SLFN11: variants seen among roughly 807,000 people sequenced by gnomAD.
SLFN11 encodes schlafen family member 11.
In SLFN11, 43 loss-of-function variants were observed where a neutral mutation model predicts 53.4. The ratio of observed to expected loss-of-function variants is 0.80; its 90% CI spans 0.63 to 1.04. The LOEUF (loss-of-function observed/expected upper bound fraction) is 1.04, where lower values mean the gene tolerates loss of function less well. Ranked by LOEUF, SLFN11 falls within the 50% of genes least tolerant of loss-of-function variation. The pLI, the probability that SLFN11 is intolerant of heterozygous loss-of-function variation, is 0.00. For synonymous variants in SLFN11, 389 were observed against 394.7 expected (o/e 0.99, Z 0.17); for missense variants, 990 against 1,079.1 (o/e 0.92, Z 1.16).
chr17:35,367,380 T>G (rs538500746), intron 2 of SLFN11: 7 of 152,148 alleles, frequency 4.6e-5, no homozygotes, highest in Admixed American at 1.3e-4. Context: ...GGGAGCTCTA[T>G]CTCAAGCTCT....
chr17:35,358,397 C>T (rs1907789662), intron 5 of SLFN11, among the ~76,000 whole-genome samples: 1 of 151,544 alleles, frequency 6.6e-6, no homozygotes, highest in Admixed American at 6.6e-5. Flanking sequence ...ATTTTAATCC[C>T]TCTAATTTCT....
chr17:35,371,055 C>T (rs1483323102), intron 1 of SLFN11, among the ~76,000 whole-genome samples: 4 of 152,076 alleles, frequency 2.6e-5, no homozygotes, highest in African/African-American at 7.2e-5. Flanking sequence ...AATCACATTA[C>T]CTGACCTCAA....
intron 2 of SLFN11, chr17:35,367,389 C>G (rs553119833): frequency 1.3e-5 from 2 of 152,114 alleles, no homozygotes; most frequent in African/African-American, 2.4e-5. Context: ...ATCTCAAGCT[C>G]TTTCCTTAGG....
chr17:35,358,271 G>C (rs1159635343), intron 5 of SLFN11, among the ~76,000 whole-genome samples: 1 of 151,146 alleles, frequency 6.6e-6, no homozygotes, highest in Non-Finnish European at 1.5e-5. Context: ...AATTTTTATA[G>C]TTTCTTCTTA....
chr17:35,352,618 G>A lies in SLFN11; in HGVS notation c.2444C>T (p.Thr815Ile), dbSNP rs200608504. 3 of 1,614,156 alleles carry A rather than the reference G, an allele frequency of 1.9e-6. No homozygotes were observed. The highest frequency in any genetic ancestry group is 3.3e-5 in the Admixed American group (2 of 60,014). ...CTTATAGTGCTCCACTTCTTTTGCG[G>A]TGCTGACAAGCACAGCAACATCCTT... ...SPKDVAVLVSTAKEVEHYKYE... is the reference protein window; with the variant it reads ...SPKDVAVLVSIAKEVEHYKYE... The change falls in exon 7 of 7, where the codon ACC (threonine) becomes ATC (isoleucine). Residue 815 changes from threonine to isoleucine, a missense_variant. Physicochemically the swap from Thr to Ile is moderately conservative, Grantham distance 89. Around this residue, in one of 3 missense-constraint regions of SLFN11, gnomAD observed 313 missense variants for 320.9 expected, o/e 0.98. Coordinates refer to ENST00000685675, the MANE Select transcript of SLFN11 (RefSeq NM_001376007.1).
Position 35,363,431 on chromosome 17 carries a change from CA to C in SLFN11, c.376del (p.Cys126AlafsTer27), listed in dbSNP as rs1390476553. On this transcript the variant is annotated frameshift_variant, in exon 4 of 7. Transcript: ENST00000685675. LOFTEE classifies it high-confidence loss of function. ...ACGGTATAATGAAGAACTGAGGCTG[CA>C]AAGGCGGGGCTTGACAGAGCGATCT... ...PEDRSVKPRL[C>X]SLSSSLYRRS... 5 of 1,613,762 alleles carry C rather than the reference CA, an allele frequency of 3.1e-6. No individual in the cohort carries two copies. The highest frequency in any genetic ancestry group is 4.2e-6 in the Non-Finnish European group (5 of 1,179,952).
rs768799094 is a variant in SLFN11, at chr17:35,363,521, G to T, written c.287C>A (p.Thr96Asn). The T allele has an allele frequency of 1.9e-6, 3 of 1,613,910 alleles. No individual in the cohort carries two copies. In the East Asian group the frequency reaches 6.7e-5, roughly 36 times the overall value. ...GTAAAAACACCTTCCTTGTTGCTTG[G>T]TCTCAAAGAAAGCCTGCAGATCTGA... ...QSSDLQAFFE[T>N]KQQGRCFYIF... is the part of the protein sequence containing the mutation. The change falls in exon 4 of 7, where the codon ACC (threonine) becomes AAC (asparagine). Residue 96 changes from threonine to asparagine, a missense_variant. Physicochemically the swap from Thr to Asn is moderately conservative, Grantham distance 65 (BLOSUM62 0). Around this residue, in one of 3 missense-constraint regions of SLFN11, gnomAD observed 521 missense variants for 516.2 expected, o/e 1.01. Transcript: ENST00000685675.
rs901183451 is a variant in SLFN11 at position 35,373,529 on chromosome 17, G to C, written c.-290C>G. 2 of 151,886 alleles carry C rather than the reference G, an allele frequency of 1.3e-5. No individual in the cohort carries two copies. Among genetic ancestry groups the C allele is most frequent in the South Asian group, 4.2e-4 (2 of 4,802 alleles). 9.4% of individuals were successfully genotyped at this position (151,886 alleles called of 1,614,324 possible). A position where few individuals can be genotyped will look rare whatever the true frequency, so the allele number is the denominator to read the frequency against. Reference sequence around the variant, plus strand: ...TCGGCTGGGCTAGACCCTGAAGCACGGGTAGAAACGCAACTCCGGAGTCCC... The same window carrying C: ...TCGGCTGGGCTAGACCCTGAAGCACCGGTAGAAACGCAACTCCGGAGTCCC... On this transcript the variant is annotated 5_prime_UTR_variant, in exon 1 of 7. Coordinates refer to ENST00000685675, the MANE Select transcript of SLFN11 (RefSeq NM_001376007.1).
intron 5 of SLFN11, among the ~76,000 whole-genome samples, chr17:35,357,139 C>CGTGTGTGTGTGTGT (rs35291259): frequency 7.0e-6 from 1 of 142,820 alleles, no homozygotes; most frequent in Non-Finnish European, 1.5e-5. Context: ...TTTTTCTGTG[C>CGTGTGTGTGTGTGT]GTGTGTGTGT....
intron 4 of SLFN11, among the ~76,000 whole-genome samples, chr17:35,361,886 AG>A (rs2141961341): frequency 6.6e-6 from 1 of 152,076 alleles, no homozygotes; most frequent in East Asian, 1.9e-4. Context: ...CTGAGACCAC[AG>A]GCACGCACCA....
chr17:35,370,839 A>G lies in SLFN11; in HGVS notation c.-235+2635T>C, dbSNP rs143654779. 2.4e-3 allele frequency among the ~76,000 whole-genome samples: 362 copies of G among 152,224 alleles called. 5 individuals carry two copies. In the East Asian group the frequency reaches 0.031, roughly 13 times the overall value. ...AAGAGCCAAAATATGGAAAGGGGAA[A>G]TATACCCATGTTCATGGATTGGAAG... On this transcript the variant is annotated intron_variant, in intron 1 of 6. Transcript: ENST00000685675.
intron 4 of SLFN11, among the ~76,000 whole-genome samples, chr17:35,360,880 G>A (rs1179853243): frequency 6.6e-6 from 1 of 152,086 alleles, no homozygotes; most frequent in Non-Finnish European, 1.5e-5. Flanking sequence ...TGAAGTGAGA[G>A]GATCACTTGA....
rs561288043 is a variant in SLFN11, at chr17:35,366,931, G to T, written c.-20+16C>A. 1.3e-5 allele frequency: 2 copies of T among 152,048 alleles called. No homozygotes were observed. The highest frequency in any genetic ancestry group is 4.1e-4 in the South Asian group (2 of 4,824). 9.4% of individuals were successfully genotyped at this position (152,048 alleles called of 1,614,324 possible). On this transcript the variant is annotated intron_variant, in intron 3 of 6. Coordinates refer to ENST00000685675, the MANE Select transcript of SLFN11 (RefSeq NM_001376007.1). ...CTCAAAAAATACAAAAATTAGGCAG[G>T]TGTGGTGGTACTCACCTGTGGTCCC...
chr17:35,358,526 C>T (rs1177963119), intron 5 of SLFN11, among the ~76,000 whole-genome samples: 6 of 151,014 alleles, frequency 4.0e-5, no homozygotes, highest in African/African-American at 7.3e-5. Context: ...ACATGATGTT[C>T]TTGGTGGACA....
intron 5 of SLFN11, among the ~76,000 whole-genome samples, chr17:35,357,974 A>C (rs1907742448): frequency 6.8e-6 from 1 of 147,194 alleles, no homozygotes; most frequent in South Asian, 2.1e-4. Context: ...TTCAGGTTTT[A>C]ATTTTCCAGC....
intron 5 of SLFN11, among the ~76,000 whole-genome samples, chr17:35,357,382 A>AT (rs1296552434): frequency 1.3e-5 from 2 of 152,020 alleles, no homozygotes; most frequent in Non-Finnish European, 1.5e-5. Flanking sequence ...TTGAATCTTG[A>AT]TTTTTTTAAG....
intron 1 of SLFN11, among the ~76,000 whole-genome samples, chr17:35,370,289 T>C (rs907545401): frequency 3.9e-5 from 6 of 152,110 alleles, no homozygotes; most frequent in African/African-American, 1.2e-4. Context: ...TATCCCTTCA[T>C]GGAAAACTCC....
At chr17:35,355,264 G>T (rs1039379265) in intron 5 of SLFN11, among the ~76,000 whole-genome samples, 1 of 152,116 alleles carries the variant, frequency 6.6e-6, no homozygotes, top group Non-Finnish European at 1.5e-5. Context: ...GCTGGGTGCA[G>T]TGCTATGGGC....
chr17:35,364,883 C>T (rs566304979), intron 3 of SLFN11, among the ~76,000 whole-genome samples: 7 of 152,120 alleles, frequency 4.6e-5, no homozygotes, highest in South Asian at 2.1e-4. Flanking sequence ...TCATCAAATA[C>T]GCACAACTTG....
Sources: allele counts gnomAD v4.1 joint callset (sites outside exome capture counted in the v4.1 genomes callset), GRCh38; gene constraint gnomAD v4.1.1; regional missense constraint gnomAD v4.1.1; transcripts MANE v1.5; gene names NCBI Gene and HGNC (gene_info 2026-07-23, HGNC 2026-07-21).